The following CTNNA1 variants were observed in gnomAD, a reference collection of about 807,000 sequenced individuals.
The protein encoded by CTNNA1 is catenin alpha-1.
In CTNNA1, 37 loss-of-function variants were observed where a neutral mutation model predicts 98.4. That is an observed-to-expected ratio of 0.38 (90% confidence interval 0.29 to 0.49). The LOEUF (loss-of-function observed/expected upper bound fraction) is 0.49, where lower values mean the gene tolerates loss of function less well. Ranked by LOEUF, CTNNA1 falls within the 20% of genes least tolerant of loss-of-function variation. The pLI, the probability that CTNNA1 is intolerant of heterozygous loss-of-function variation, is 0.95. For synonymous variants in CTNNA1, 404 were observed against 413.2 expected (o/e 0.98, Z 0.27); for missense variants, 761 against 1,147.2 (o/e 0.66, Z 4.86).
chr5:138,925,632 G>C (rs112484733), intron 13 of CTNNA1: 8 of 540,028 alleles, frequency 1.5e-5, no homozygotes, highest in Middle Eastern at 5.1e-4. Flanking sequence ...CTGAGTTGAC[G>C]ATTTAATTTA....
intron 3 of CTNNA1, among the ~76,000 whole-genome samples, chr5:138,808,172 A>C (rs926650357): frequency 1.3e-5 from 2 of 152,200 alleles, no homozygotes; most frequent in Non-Finnish European, 2.9e-5. Context: ...TCACAAGGCT[A>C]TTTAATTTTT....
At chr5:138,867,983 C>G (rs1000602773) in intron 7 of CTNNA1, among the ~76,000 whole-genome samples, 1 of 152,064 alleles carries the variant, frequency 6.6e-6, no homozygotes, top group Non-Finnish European at 1.5e-5. Context: ...AACTCTTGAC[C>G]GCAGGTGATC....
At chr5:138,842,601 C>G (rs1762366630) in intron 7 of CTNNA1, among the ~76,000 whole-genome samples, 1 of 152,090 alleles carries the variant, frequency 6.6e-6, no homozygotes, top group African/African-American at 2.4e-5. Context: ...AGGCTCTAAC[C>G]CATTTATGCC....
chr5:138,776,746 G>A (rs1204725686), intron 1 of CTNNA1, among the ~76,000 whole-genome samples: 18 of 150,074 alleles, frequency 1.2e-4, no homozygotes, highest in African/African-American at 3.2e-4. Context: ...CAGTAGGGGC[G>A]GCCGGGCAGA....
chr5:138,849,820 A>T (rs1325131078), intron 7 of CTNNA1, among the ~76,000 whole-genome samples: 1 of 152,196 alleles, frequency 6.6e-6, no homozygotes, highest in Non-Finnish European at 1.5e-5. Flanking sequence ...TACCTGATAA[A>T]AAGTTTTTTT....
intron 1 of CTNNA1, among the ~76,000 whole-genome samples, chr5:138,774,407 T>A (rs932798392): frequency 1.3e-5 from 2 of 152,112 alleles, no homozygotes; most frequent in African/African-American, 4.8e-5. Flanking sequence ...GGAGATTCCA[T>A]GTAAAAATCT....
intron 5 of CTNNA1, 107 bp from the exon 6 acceptor site, chr5:138,824,423 G>T: frequency 8.4e-7 from 1 of 1,185,334 alleles, no homozygotes; most frequent in Non-Finnish European, 1.2e-6. Context: ...AAAATAATGT[G>T]TCTAATTAAT....
At chr5:138,780,293 C>T (rs1165593727) in intron 1 of CTNNA1, among the ~76,000 whole-genome samples, 3 of 151,474 alleles carry the variant, frequency 2.0e-5, no homozygotes, top group Non-Finnish European at 4.4e-5. Flanking sequence ...GGGTTCACGC[C>T]ATTTTCCTGC....
At chr5:138,852,361 C>CT (rs1381461228) in intron 7 of CTNNA1, among the ~76,000 whole-genome samples, 3 of 147,170 alleles carry the variant, frequency 2.0e-5, no homozygotes, top group African/African-American at 7.6e-5. Context: ...CCTTTCACCT[C>CT]TTTCTCGGGC....
At chr5:138,800,909 A>G (rs1044310218) in intron 3 of CTNNA1, among the ~76,000 whole-genome samples, 1 of 152,122 alleles carries the variant, frequency 6.6e-6, no homozygotes, top group African/African-American at 2.4e-5. Flanking sequence ...TTTTTCTTAC[A>G]ATGTCATGAC....
At chr5:138,782,511 T>G in intron 2 of CTNNA1, 1 of 277,922 alleles carries the variant, frequency 3.6e-6, no homozygotes, top group Non-Finnish European at 7.2e-6. Flanking sequence ...TTTACAATAG[T>G]ATGTCTATTG....
chr5:138,803,838 T>G (rs1174846199), intron 3 of CTNNA1, among the ~76,000 whole-genome samples: 1 of 152,212 alleles, frequency 6.6e-6, no homozygotes, highest in Non-Finnish European at 1.5e-5. Flanking sequence ...TCTCTCCCAC[T>G]AGAATGTAAG....
At chr5:138,815,502 G>C (rs3804204) in intron 5 of CTNNA1, among the ~76,000 whole-genome samples, 5,653 of 151,930 alleles carry the variant, frequency 0.037, 284 homozygotes, top group African/African-American at 0.12. Context: ...GGGTGCCCTG[G>C]GTTGCTAAAA....
At chr5:138,914,640 C>T (rs1405165503) in intron 10 of CTNNA1, among the ~76,000 whole-genome samples, 1 of 151,812 alleles carries the variant, frequency 6.6e-6, no homozygotes, top group Non-Finnish European at 1.5e-5. Flanking sequence ...GGGCCTGAGT[C>T]GTCTTTAGTC....
intron 1 of CTNNA1, among the ~76,000 whole-genome samples, chr5:138,757,414 A>G (rs1303532370): frequency 1.3e-5 from 2 of 152,070 alleles, no homozygotes; most frequent in Non-Finnish European, 2.9e-5. Context: ...GGCTGCTGTG[A>G]ACTATGATCA....
At chr5:138,914,246 C>G (rs946210673) in intron 10 of CTNNA1, among the ~76,000 whole-genome samples, 5 of 152,172 alleles carry the variant, frequency 3.3e-5, no homozygotes, top group Non-Finnish European at 5.9e-5. Context: ...TTACTTGGCT[C>G]TCTTCGGAAA....
At chr5:138,754,422 T>G (rs1226458218) in intron 1 of CTNNA1, 4 of 152,170 alleles carry the variant, frequency 2.6e-5, no homozygotes. Context: ...CTCTTGCATC[T>G]TGGTGACATT....
rs1487055370 is a variant in CTNNA1, at chr5:138,874,041, C to T, written c.1063-12171C>T. 1.2e-6 allele frequency: 2 copies of T among 1,613,980 alleles called. No individual in the cohort carries two copies. The highest frequency in any genetic ancestry group is 1.3e-5 in the African/African-American group (1 of 75,050). On this transcript the variant is annotated intron_variant, in intron 7 of 17. Coordinates refer to ENST00000302763, the MANE Select transcript of CTNNA1 (RefSeq NM_001903.5). This position sits in a 1 kb window ranked among gnomAD's most constrained non-coding sequence, Gnocchi z 4.1. ...CTACGACAGTCCCAGAACAGGCGTA[C>T]TGGGATAGTCCGCAGGGAGTTGGAA...
chr5:138,774,169 T>C (rs981089994), intron 1 of CTNNA1, among the ~76,000 whole-genome samples: 3 of 151,850 alleles, frequency 2.0e-5, no homozygotes, highest in Non-Finnish European at 2.9e-5. Context: ...AGGCATGAGC[T>C]ACTGCGCCTG....
Sources: gnomAD v4.1 joint callset for allele counts (sites outside exome capture counted in the v4.1 genomes callset) on GRCh38, gnomAD v4.1.1 for gene constraint, Gnocchi (gnomAD v3.1) non-coding constraint, MANE v1.5 for transcripts, NCBI Gene and HGNC (gene_info 2026-07-23, HGNC 2026-07-21) for gene names.